ASXL1: variants seen among roughly 807,000 people sequenced by gnomAD.
ASXL1 encodes polycomb group protein ASXL1.
In ASXL1, 65 loss-of-function variants were observed where a neutral mutation model predicts 89.1. That is an observed-to-expected ratio of 0.73 (90% CI 0.60 to 0.90). The LOEUF (loss-of-function observed/expected upper bound fraction) is 0.90. ASXL1 is among the 40% of genes least tolerant of loss of function. The pLI is 0.00. For missense variants in ASXL1, 1,786 were observed against 1,942.9 expected (o/e 0.92, Z 1.52); for synonymous variants, 739 against 746.9 (o/e 0.99, Z 0.17).
chr20:32,391,203 T>C (rs924792936), intron 4 of ASXL1, among the ~76,000 whole-genome samples: 1 of 152,184 alleles, frequency 6.6e-6, no homozygotes, highest in Non-Finnish European at 1.5e-5. Flanking sequence ...AGTTTATTTC[T>C]GTATATTGCA....
chr20:32,383,775 G>T (rs1443980748), intron 4 of ASXL1, among the ~76,000 whole-genome samples: 1 of 152,160 alleles, frequency 6.6e-6, no homozygotes, highest in East Asian at 1.9e-4. Context: ...AAAACTGTGG[G>T]TGTAAAACGC....
rs71187117 is a variant in ASXL1 at position 32,401,550 on chromosome 20, TCCC to T, written c.253-26569_253-26567del. On this transcript the variant is annotated intron_variant, in intron 4 of 12. Coordinates refer to ENST00000375687, the MANE Select transcript of ASXL1 (RefSeq NM_015338.6). ...TGTGTGTGTGTGTGTGTGTGTTTTTTCCCCCCCCCCCTTTTTTTTTTTGAGACG... is the reference window on the plus strand; with the variant it reads ...TGTGTGTGTGTGTGTGTGTGTTTTTTCCCCCCCCTTTTTTTTTTTGAGACG... 5.8e-4 allele frequency among the ~76,000 whole-genome samples: 76 copies of T among 129,944 alleles called. 2 individuals carry two copies. The highest frequency in any genetic ancestry group is 1.3e-3 in the South Asian group (6 of 4,550). The allele number at this position is 129,944 out of a possible 152,430, so 85.2% of individuals were successfully genotyped here. A position where few individuals can be genotyped will look rare whatever the true frequency, so the allele number is the denominator to read the frequency against.
intron 4 of ASXL1, among the ~76,000 whole-genome samples, chr20:32,413,922 G>A (rs1368678706): frequency 6.6e-6 from 1 of 152,152 alleles, no homozygotes; most frequent in African/African-American, 2.4e-5. Context: ...CAGGTGCCTA[G>A]GAGGTAAATT....
At chr20:32,425,400 A>G (rs2011246023) in intron 4 of ASXL1, among the ~76,000 whole-genome samples, 1 of 152,208 alleles carries the variant, frequency 6.6e-6, no homozygotes, top group Non-Finnish European at 1.5e-5. Context: ...GGATGTTTGT[A>G]TCTTCAACTG....
intron 4 of ASXL1, among the ~76,000 whole-genome samples, chr20:32,407,226 T>G (rs2048969619): frequency 6.6e-6 from 1 of 151,744 alleles, no homozygotes; most frequent in South Asian, 2.1e-4. Flanking sequence ...TACCTGTAAT[T>G]CCAGCTACTC....
chr20:32,362,506 AG>A (rs1338537983), intron 1 of ASXL1, among the ~76,000 whole-genome samples: 92 of 151,984 alleles, frequency 6.1e-4, no homozygotes, highest in African/African-American at 2.1e-3. Context: ...CGTGGTGGCG[AG>A]TGCCTGTAGT....
Position 32,429,254 on chromosome 20 carries a change from G to GT in ASXL1, c.472-83dup. On this transcript the variant is annotated intron_variant, in intron 6 of 12. Coordinates refer to ENST00000375687, the MANE Select transcript of ASXL1 (RefSeq NM_015338.6). The surrounding 1 kb of genome is among the most constrained non-coding windows in gnomAD (Gnocchi z 4.9). Reference sequence around the variant, plus strand: ...AAGACGAACTTCATTTTACAAGAGCGTGAGTAGAGATAGTGTCGCCAGGGA... The same window carrying GT: ...AAGACGAACTTCATTTTACAAGAGCGTTGAGTAGAGATAGTGTCGCCAGGGA... The GT allele has an allele frequency of 7.6e-7, 1 of 1,321,408 alleles. No homozygotes were observed. Among genetic ancestry groups the GT allele is most frequent in the Non-Finnish European group, 1.1e-6 (1 of 931,464 alleles). 81.9% of individuals were successfully genotyped at this position (1,321,408 alleles called of 1,614,324 possible). A position where few individuals can be genotyped will look rare whatever the true frequency, so the allele number is the denominator to read the frequency against.
chr20:32,417,442 C>T (rs2049157137), intron 4 of ASXL1, among the ~76,000 whole-genome samples: 1 of 152,272 alleles, frequency 6.6e-6, no homozygotes, highest in East Asian at 1.9e-4. Flanking sequence ...AACAGCTCTT[C>T]CTTTTCTTTC....
intron 4 of ASXL1, among the ~76,000 whole-genome samples, chr20:32,421,684 T>A (rs1248514739): frequency 6.6e-6 from 1 of 152,132 alleles, no homozygotes; most frequent in Non-Finnish European, 1.5e-5. Context: ...AATAATGAAC[T>A]ACTGATGCAT....
At chr20:32,377,739 G>T (rs543745578) in intron 4 of ASXL1, among the ~76,000 whole-genome samples, 1 of 150,976 alleles carries the variant, frequency 6.6e-6, no homozygotes, top group Non-Finnish European at 1.5e-5. Flanking sequence ...TGCAACCTCC[G>T]CCTCCCAGGT....
intron 1 of ASXL1, 188 bp downstream of exon 1, chr20:32,359,020 C>A: frequency 1.5e-6 from 1 of 649,242 alleles, no homozygotes; most frequent in Non-Finnish European, 2.6e-6. Context: ...TGGGATGTGG[C>A]GCCTTTTTCC....
intron 4 of ASXL1, among the ~76,000 whole-genome samples, chr20:32,372,705 C>A (rs1050434055): frequency 6.6e-6 from 1 of 151,888 alleles, no homozygotes; most frequent in South Asian, 2.1e-4. Context: ...AGTGATTCTC[C>A]TGCCTCAGCC....
chr20:32,420,414 T>C (rs919733342), intron 4 of ASXL1, among the ~76,000 whole-genome samples: 1 of 152,224 alleles, frequency 6.6e-6, no homozygotes, highest in East Asian at 1.9e-4. Context: ...ATTTGCCACA[T>C]TCGTAGTGTC....
chr20:32,435,231 CT>C lies in ASXL1; in HGVS notation c.2520del (p.Val841Ter). 6.2e-7 allele frequency: 1 copy of C among 1,614,032 alleles called. No homozygotes were observed. The highest frequency in any genetic ancestry group is 8.5e-7 in the Non-Finnish European group (1 of 1,180,026). On this transcript the variant is annotated frameshift_variant, in exon 13 of 13. Transcript: ENST00000375687. LOFTEE classifies it low-confidence loss of function (END_TRUNC). ...GACAGTCATCCCACTATGAAGGATCCTGTAAATGTGACCCCCAGTTCCACAC... is the reference window on the plus strand; with the variant it reads ...GACAGTCATCCCACTATGAAGGATCCGTAAATGTGACCCCCAGTTCCACAC... ...ALDSHPTMKDPVNVTPSSTPE... is the reference protein window; with the variant it reads ...ALDSHPTMKDXVNVTPSSTPE...
At chr20:32,386,162 C>A (rs562188857) in intron 4 of ASXL1, among the ~76,000 whole-genome samples, 2 of 152,232 alleles carry the variant, frequency 1.3e-5, no homozygotes, top group African/African-American at 2.4e-5. Context: ...TTGTTTATAT[C>A]CCTAGGAGCT....
chr20:32,398,432 A>G (rs1404047888), intron 4 of ASXL1, among the ~76,000 whole-genome samples: 1 of 151,904 alleles, frequency 6.6e-6, no homozygotes, highest in East Asian at 1.9e-4. Flanking sequence ...TTTTTCTTTG[A>G]AAGAAAACCC....
rs777758375 is a variant in ASXL1 at position 32,436,083 on chromosome 20, C to T, written c.3371C>T (p.Pro1124Leu). The T allele has an allele frequency of 6.2e-7, 1 of 1,614,182 alleles. No individual in the cohort carries two copies. ...TTGCCCCTAGAGAAGGTTCTTCCAC[C>T]AGCCCACGATGACAGCATGTCAGAA... ...GSLPLEKVLPPAHDDSMSESP... is the reference protein window; with the variant it reads ...GSLPLEKVLPLAHDDSMSESP... The change falls in exon 13 of 13, where the codon CCA becomes CTA. Residue 1124 changes from proline to leucine, a missense_variant. Pro to Leu is a moderately conservative substitution (Grantham distance 98, BLOSUM62 -3). Coordinates refer to ENST00000375687, the MANE Select transcript of ASXL1 (RefSeq NM_015338.6).
chr20:32,386,364 G>A (rs2048578314), intron 4 of ASXL1, among the ~76,000 whole-genome samples: 1 of 151,840 alleles, frequency 6.6e-6, no homozygotes, highest in Non-Finnish European at 1.5e-5. Flanking sequence ...TGGAATGTTT[G>A]AAAACCTCCA....
chr20:32,361,985 C>G (rs879882077), intron 1 of ASXL1, among the ~76,000 whole-genome samples: 9 of 152,122 alleles, frequency 5.9e-5, no homozygotes, highest in Non-Finnish European at 1.3e-4. Flanking sequence ...AGGAGAATCA[C>G]TTGAACTCGG....
Sources: allele counts gnomAD v4.1 joint callset (sites outside exome capture counted in the v4.1 genomes callset), GRCh38; gene constraint gnomAD v4.1.1; non-coding constraint Gnocchi (gnomAD v3.1); transcripts MANE v1.5; gene names NCBI Gene and HGNC (gene_info 2026-07-23, HGNC 2026-07-21).